LTA: variants seen among roughly 807,000 people sequenced by gnomAD.
The protein encoded by LTA is lymphotoxin alpha.
A neutral mutation model predicts 15.1 loss-of-function variants in LTA; 6 were observed. That is an observed-to-expected ratio of 0.40 (90% CI 0.22 to 0.78). The LOEUF (loss-of-function observed/expected upper bound fraction) is 0.78, where lower values mean the gene tolerates loss of function less well. LTA is among the 30% of genes least tolerant of loss of function. The pLI, the probability that LTA is intolerant of heterozygous loss-of-function variation, is 0.38. For missense variants in LTA, 173 were observed against 249.5 expected, an observed-to-expected ratio of 0.69 and a Z score of 2.06; for synonymous variants, 87 against 107.3, an observed-to-expected ratio of 0.81 and a Z score of 1.17.
At chr6:31,561,806 A>T in the LTA span, among the ~76,000 whole-genome samples, 1 of 152,150 alleles carries the variant, frequency 6.6e-6, no homozygotes, top group Admixed American at 6.5e-5. Context: ...ACAGTATACA[A>T]ATAATAACTA....
At chr6:31,573,163 T>TA in intron 3 of LTA, 118 bp from the exon 4 acceptor site, 6 of 1,048,382 alleles carry the variant, frequency 5.7e-6, no homozygotes, top group Non-Finnish European at 8.2e-6. Flanking sequence ...AGCCCACTCC[T>TA]ATGCCTCCCC....
At chr6:31,566,777 T>C in the LTA span, among the ~76,000 whole-genome samples, 5 of 150,540 alleles carry the variant, frequency 3.3e-5, no homozygotes, top group South Asian at 8.4e-4. Context: ...CTTTCTCTAC[T>C]AAAAGTACAA....
At chr6:31,564,203 C>G in the LTA span, among the ~76,000 whole-genome samples, 20 of 152,296 alleles carry the variant, frequency 1.3e-4, no homozygotes, top group East Asian at 3.5e-3. Flanking sequence ...GGCTGTAAAA[C>G]CAGTAGACTT....
chr6:31,570,047 A>T (rs553164776), upstream of LTA, among the ~76,000 whole-genome samples: 1 of 152,306 alleles, frequency 6.6e-6, no homozygotes, highest in South Asian at 2.1e-4. Flanking sequence ...GCATAAAAAT[A>T]GTTTTCCCCT....
At chr6:31,568,990 CTTGTTTTGTT>C (rs201891463), upstream of LTA, among the ~76,000 whole-genome samples, 1 of 151,472 alleles carries the variant, frequency 6.6e-6, no homozygotes, top group Non-Finnish European at 1.5e-5. The surrounding 1 kb of genome is among the most constrained non-coding windows in gnomAD (Gnocchi z 4.1). Flanking sequence ...TTTTTGTTTG[CTTGTTTTGTT>C]TTGTTTTGTT....
upstream of LTA, among the ~76,000 whole-genome samples, chr6:31,571,061 CTTTTT>C (rs9279358): frequency 7.5e-6 from 1 of 134,210 alleles, no homozygotes; most frequent in Non-Finnish European, 1.6e-5. Context: ...ATTTTGGAAA[CTTTTT>C]TTTTTTTTTT....
the LTA span, among the ~76,000 whole-genome samples, chr6:31,562,022 AG>A: frequency 6.7e-6 from 1 of 148,266 alleles, no homozygotes; most frequent in Non-Finnish European, 1.5e-5. Flanking sequence ...TCTTCAAGGG[AG>A]GGGGCGGAGT....
chr6:31,570,932 G>C (rs1022325105), upstream of LTA, among the ~76,000 whole-genome samples: 2 of 152,056 alleles, frequency 1.3e-5, no homozygotes, highest in African/African-American at 4.8e-5. Flanking sequence ...GAACCTGCTG[G>C]GGACCTGAAA....
At chr6:31,563,325 TAAGGAA>T in the LTA span, among the ~76,000 whole-genome samples, 1 of 151,854 alleles carries the variant, frequency 6.6e-6, no homozygotes, top group Admixed American at 6.6e-5. Flanking sequence ...ATAACAAAAT[TAAGGAA>T]AAAGAGGGAA....
rs1770921399 is a variant in LTA at position 31,572,838 on chromosome 6, C to T, written c.96C>T (p.Ala32=). ...LGLLLVLLPG[A]QGLPGVGLTP... The stretch of plus-strand genomic sequence containing the variant: ...TGCTGCTGGTTCTGCTGCCTGGGGC[C>T]CAGGTGAGGCAGCAGGAGAATGGGG... The change falls in exon 2 of 4, where the codon GCC becomes GCT. Residue 32 remains alanine, a synonymous_variant. Coordinates refer to ENST00000418386, the MANE Select transcript of LTA (RefSeq NM_000595.4). 6.2e-7 allele frequency: 1 copy of T among 1,611,694 alleles called. No homozygotes were observed. Among genetic ancestry groups the T allele is most frequent in the Non-Finnish European group, 8.5e-7 (1 of 1,179,858 alleles).
upstream of LTA, among the ~76,000 whole-genome samples, chr6:31,569,169 T>C (rs1441995520): frequency 6.6e-6 from 1 of 151,992 alleles, no homozygotes; most frequent in African/African-American, 2.4e-5. Context: ...GCCACCATGC[T>C]CGGCTAATTT....
the LTA span, among the ~76,000 whole-genome samples, chr6:31,563,925 G>A: frequency 6.6e-6 from 1 of 152,280 alleles, no homozygotes; most frequent in East Asian, 1.9e-4. Context: ...ATTCTAAAAT[G>A]CAGACAAAGT....
chr6:31,567,071 G>A (rs1033547661), upstream of LTA, among the ~76,000 whole-genome samples: 13 of 152,122 alleles, frequency 8.5e-5, no homozygotes, highest in African/African-American at 2.7e-4. Flanking sequence ...TGAGGCAGGC[G>A]GATCACCTGA....
Position 31,574,111 on chromosome 6 carries a change from TAGA to T in LTA, c.*423_*425del, listed in dbSNP as rs1209164665. The T allele has an allele frequency of 1.5e-5, 5 of 340,450 alleles. No individual in the cohort carries two copies. The highest frequency in any genetic ancestry group is 2.3e-5 in the Non-Finnish European group (4 of 176,134). 21.1% of individuals were successfully genotyped at this position (340,450 alleles called of 1,614,324 possible). A position where few individuals can be genotyped will look rare whatever the true frequency, so the allele number is the denominator to read the frequency against. ...ATGGAGGATGGAGAGAGGGGAATAATAGAAGAACATCCAAGGAGAAACAGAGAC... is the reference window on the plus strand; with the variant it reads ...ATGGAGGATGGAGAGAGGGGAATAATAGAACATCCAAGGAGAAACAGAGAC... On this transcript the variant is annotated 3_prime_UTR_variant, in exon 4 of 4. Coordinates refer to ENST00000418386, the MANE Select transcript of LTA (RefSeq NM_000595.4).
At position 31,573,735 on chromosome 6, in the gene LTA, A is replaced by G. The variant is rs1770994664; in HGVS notation, c.*42A>G. 2 of 1,608,324 alleles carry G rather than the reference A, an allele frequency of 1.2e-6. No individual in the cohort carries two copies. Among genetic ancestry groups the G allele is most frequent in the Admixed American group, 1.7e-5 (1 of 59,892 alleles). ...GAAAGAAAAAATAATTGATTTCAAGACCTTCTCCCCATTCTGCCTCCATTC... is the reference window on the plus strand; with the variant it reads ...GAAAGAAAAAATAATTGATTTCAAGGCCTTCTCCCCATTCTGCCTCCATTC... On this transcript the variant is annotated 3_prime_UTR_variant, in exon 4 of 4. Transcript: ENST00000418386.
the LTA span, among the ~76,000 whole-genome samples, chr6:31,564,742 G>GAAA: frequency 7.0e-6 from 1 of 141,940 alleles, no homozygotes; most frequent in Non-Finnish European, 1.5e-5. Context: ...CCTATCTCTG[G>GAAA]AAAAAAAAAA....
the LTA span, among the ~76,000 whole-genome samples, chr6:31,561,558 T>C: frequency 6.6e-6 from 1 of 151,096 alleles, no homozygotes; most frequent in Non-Finnish European, 1.5e-5. Context: ...GGGTGTGGTC[T>C]TGGGCACCTG....
chr6:31,566,642 G>GAA, the LTA span, among the ~76,000 whole-genome samples: 1 of 122,974 alleles, frequency 8.1e-6, no homozygotes. Context: ...TGTCTTAAAA[G>GAA]AAAAAAAAAA....
the LTA span, among the ~76,000 whole-genome samples, chr6:31,564,030 T>C: frequency 6.6e-6 from 1 of 152,188 alleles, no homozygotes; most frequent in African/African-American, 2.4e-5. Context: ...AATAAAGAAC[T>C]GATTCAAGGG....
Sources: gnomAD v4.1 joint callset for allele counts (sites outside exome capture counted in the v4.1 genomes callset) on GRCh38, gnomAD v4.1.1 for gene constraint, Gnocchi (gnomAD v3.1) non-coding constraint, MANE v1.5 for transcripts, NCBI Gene and HGNC (gene_info 2026-07-23, HGNC 2026-07-21) for gene names.